Variants in ZCCHC4 observed in about 807,000 individuals in gnomAD.
ZCCHC4 encodes the protein zinc finger CCHC-type containing 4.
In ZCCHC4, 54 loss-of-function variants were observed where a neutral mutation model predicts 67.7. The observed-to-expected ratio is 0.80, with a 90% confidence interval of 0.64 to 1.00. The LOEUF is 1.00. ZCCHC4 is among the 50% of genes least tolerant of loss of function. The pLI, the probability that ZCCHC4 is intolerant of heterozygous loss-of-function variation, is 0.00. For missense variants in ZCCHC4, 609 were observed against 617.0 expected, an observed-to-expected ratio of 0.99 and a Z score of 0.14; for synonymous variants, 198 against 213.5, an observed-to-expected ratio of 0.93 and a Z score of 0.63.
chr4:25,350,631 GT>G (rs1350561386), intron 7 of ZCCHC4, among the ~76,000 whole-genome samples: 26 of 152,138 alleles, frequency 1.7e-4, no homozygotes, highest in African/African-American at 6.3e-4. Flanking sequence ...TAGCTCGCAA[GT>G]TGATAAATTT....
intron 12 of ZCCHC4, 188 bp downstream of exon 12, chr4:25,365,354 G>C (rs886293263): frequency 2.1e-5 from 29 of 1,394,408 alleles, no homozygotes; most frequent in Non-Finnish European, 2.7e-5. Flanking sequence ...CTTTCAAAGA[G>C]CTTACAGTTC....
At chr4:25,356,353 T>TAA (rs1720517556) in intron 8 of ZCCHC4, among the ~76,000 whole-genome samples, 2 of 152,226 alleles carry the variant, frequency 1.3e-5, no homozygotes, top group Admixed American at 1.3e-4. Flanking sequence ...GCTGAAGCTA[T>TAA]GAAATATGGA....
rs112280035 is a variant in ZCCHC4 at position 25,344,001 on chromosome 4, A to G, written c.687-1547A>G. 6.8e-3 allele frequency among the ~76,000 whole-genome samples: 1,034 copies of G among 152,344 alleles called. 10 individuals carry two copies. The highest frequency in any genetic ancestry group is 0.023 in the African/African-American group (971 of 41,564). ...TTCAAAATCCTATTGAGATAACAAA[A>G]AGGTTTCTATATTATATGGAAAACT... On this transcript the variant is annotated intron_variant, in intron 5 of 12. Transcript: ENST00000302874.
chr4:25,328,646 A>T (rs935794507), intron 3 of ZCCHC4, among the ~76,000 whole-genome samples: 2 of 152,002 alleles, frequency 1.3e-5, no homozygotes, highest in South Asian at 4.2e-4. Flanking sequence ...CAGTGGTGCA[A>T]TCATGGCTCA....
chr4:25,314,029 T>TTC lies in ZCCHC4; in HGVS notation c.128-15_128-14dup. 1.4e-6 allele frequency: 2 copies of TTC among 1,477,976 alleles called. No individual in the cohort carries two copies. The highest frequency in any genetic ancestry group is 4.5e-5 in the East Asian group (2 of 44,214). The allele number at this position is 1,477,976 out of a possible 1,614,324, so 91.6% of individuals were successfully genotyped here. On this transcript the variant is annotated splice_polypyrimidine_tract_variant and intron_variant, in intron 1 of 12. Coordinates refer to ENST00000302874, the MANE Select transcript of ZCCHC4 (RefSeq NM_024936.3). ...ATTACTTGACACTTTTTTTTTTTTT[T>TTC]TCTATTCTGGAACTAGGACCCACTC...
intron 3 of ZCCHC4, among the ~76,000 whole-genome samples, chr4:25,322,038 C>T (rs916924496): frequency 4.6e-5 from 7 of 152,216 alleles, no homozygotes; most frequent in African/African-American, 1.2e-4. Flanking sequence ...CTCTGTTTGG[C>T]TGACGGCAAT....
chr4:25,361,311 G>T (rs1412333755), intron 8 of ZCCHC4, among the ~76,000 whole-genome samples: 1 of 152,220 alleles, frequency 6.6e-6, no homozygotes, highest in Non-Finnish European at 1.5e-5. Context: ...CACCCTATGG[G>T]CATGTGTCCC....
intron 12 of ZCCHC4, chr4:25,365,803 A>G: frequency 2.0e-6 from 2 of 985,458 alleles, no homozygotes; most frequent in Non-Finnish European, 1.2e-6. Flanking sequence ...TGCTTCTGGA[A>G]TAGTTATCCC....
chr4:25,316,850 G>C (rs10013500), intron 3 of ZCCHC4, among the ~76,000 whole-genome samples: 63,687 of 151,920 alleles, frequency 0.42, 15,777 homozygotes, highest in Non-Finnish European at 0.56. Flanking sequence ...GTTGTTGCTT[G>C]TGCTTTCGGT....
intron 2 of ZCCHC4, 80 bp downstream of exon 2, chr4:25,314,244 A>G: frequency 1.1e-6 from 1 of 873,024 alleles, no homozygotes; most frequent in African/African-American, 1.7e-5. Flanking sequence ...ACCAATAAAA[A>G]TATGCGGTCT....
In ZCCHC4 at chr4:25,337,297, C is replaced by T. The variant is rs1294846132; in HGVS notation, c.686+3309C>T. 2.6e-5 allele frequency among the ~76,000 whole-genome samples: 4 copies of T among 152,352 alleles called. No individual in the cohort carries two copies. In the East Asian group the frequency reaches 5.8e-4, roughly 22 times the overall value. On this transcript the variant is annotated intron_variant, in intron 5 of 12. Coordinates refer to ENST00000302874, the MANE Select transcript of ZCCHC4 (RefSeq NM_024936.3). ...AGTCTAGTTGAGATAGTGAGCCTCA[C>T]ACAATGTTGCTAGGGCTCCCTCTTT... is the stretch of plus-strand genomic sequence containing the variant.
chr4:25,366,145 G>A, intron 12 of ZCCHC4: 1 of 983,126 alleles, frequency 1.0e-6, no homozygotes, highest in Non-Finnish European at 1.2e-6. Flanking sequence ...TTATTTATTT[G>A]TGGTCAGTGA....
At chr4:25,335,405 G>A (rs1049232501) in intron 5 of ZCCHC4, among the ~76,000 whole-genome samples, 7 of 152,084 alleles carry the variant, frequency 4.6e-5, no homozygotes, top group Non-Finnish European at 7.4e-5. Context: ...CTGAGTTCAC[G>A]TAACTGCACT....
chr4:25,351,176 A>G (rs1720281975), intron 7 of ZCCHC4, among the ~76,000 whole-genome samples: 1 of 152,182 alleles, frequency 6.6e-6, no homozygotes, highest in East Asian at 1.9e-4. Context: ...CATCCCTGAA[A>G]ACTAAGATAA....
chr4:25,347,522 T>C (rs910913950), intron 6 of ZCCHC4, among the ~76,000 whole-genome samples: 13 of 152,202 alleles, frequency 8.5e-5, no homozygotes, highest in Admixed American at 4.6e-4. Flanking sequence ...GCTGTAGAGA[T>C]TGATCTGCAG....
chr4:25,355,997 T>C (rs912943619), intron 8 of ZCCHC4, among the ~76,000 whole-genome samples: 2 of 152,202 alleles, frequency 1.3e-5, no homozygotes, highest in Non-Finnish European at 2.9e-5. Context: ...TTTCCTGGCC[T>C]GATACCTGGA....
chr4:25,322,600 C>A (rs191929619), intron 3 of ZCCHC4, among the ~76,000 whole-genome samples: 1 of 152,104 alleles, frequency 6.6e-6, no homozygotes, highest in Non-Finnish European at 1.5e-5. Context: ...TCACCATAAC[C>A]TTTGCCTCCC....
chr4:25,369,016 C>A lies in ZCCHC4; in HGVS notation c.1407-13C>A. 6.2e-7 allele frequency: 1 copy of A among 1,601,792 alleles called. No individual in the cohort carries two copies. Among genetic ancestry groups the A allele is most frequent in the Non-Finnish European group, 8.5e-7 (1 of 1,177,108 alleles). On this transcript the variant is annotated splice_polypyrimidine_tract_variant and intron_variant, in intron 12 of 12. Transcript: ENST00000302874. ...GCTCATTCTGTGAAATAATTTAGCA[C>A]CTTGTTTTCCAGAGCTGTCAGAAAG...
At chr4:25,338,689 A>G (rs1719587579) in intron 5 of ZCCHC4, among the ~76,000 whole-genome samples, 1 of 152,226 alleles carries the variant, frequency 6.6e-6, no homozygotes, top group South Asian at 2.1e-4. Context: ...CACTTAGCAT[A>G]AAGTTTTTGA....
Sources: gnomAD v4.1 joint callset for allele counts (sites outside exome capture counted in the v4.1 genomes callset) on GRCh38, gnomAD v4.1.1 for gene constraint, MANE v1.5 for transcripts, NCBI Gene and HGNC (gene_info 2026-07-23, HGNC 2026-07-21) for gene names.